The following DNAJC10 variants were observed in gnomAD, a reference collection of about 807,000 sequenced individuals.
DNAJC10 encodes the protein endoplasmic reticulum disulfide reductase DNAJC10.
DNAJC10 carries 101 observed loss-of-function variants against 115.0 expected under a neutral mutation model. The ratio of observed to expected loss-of-function variants is 0.88; its 90% CI spans 0.75 to 1.04. The LOEUF (loss-of-function observed/expected upper bound fraction) is 1.04, where lower values mean the gene tolerates loss of function less well. DNAJC10 is among the 50% of genes least tolerant of loss of function. The pLI is 0.00. For synonymous variants in DNAJC10, 307 were observed against 301.5 expected, an observed-to-expected ratio of 1.02 and a Z score of -0.19; for missense variants, 981 against 928.8, an observed-to-expected ratio of 1.06 and a Z score of -0.73.
Position 182,752,111 on chromosome 2 carries a change from A to T in DNAJC10, c.1474A>T (p.Arg492Ter). The change falls in exon 16 of 24, where the codon AGA becomes TGA. Residue 492 changes from arginine to a stop codon, truncating the protein, a stop_gained. Transcript: ENST00000264065. LOFTEE classifies it high-confidence loss of function. Reference sequence around the variant, plus strand: ...TCGAGCTTTACTACCAGAGTTACGAAGAGCATCAAATCTTCTTTATGGTCA... The same window carrying T: ...TCGAGCTTTACTACCAGAGTTACGATGAGCATCAAATCTTCTTTATGGTCA... ...PCRALLPELR[R>*]ASNLLYGQLK... is the part of the protein sequence containing the mutation. 1 of 1,613,848 alleles carries T rather than the reference A, an allele frequency of 6.2e-7. No individual in the cohort carries two copies. The highest frequency in any genetic ancestry group is 8.5e-7 in the Non-Finnish European group (1 of 1,179,856).
intron 5 of DNAJC10, among the ~76,000 whole-genome samples, chr2:182,728,214 C>G (rs1445435335): frequency 6.6e-6 from 1 of 152,154 alleles, no homozygotes; most frequent in Non-Finnish European, 1.5e-5. Context: ...CTCTCATGCA[C>G]ACAAACTCTT....
rs1695058758 is a variant in DNAJC10 at position 182,791,974 on chromosome 2, A to C, written c.*14842A>C. On this transcript the variant is annotated 3_prime_UTR_variant, in exon 24 of 24. Coordinates refer to ENST00000264065, the MANE Select transcript of DNAJC10 (RefSeq NM_018981.4). ...AACTCTAAACAATGCAATAATCTAG[A>C]GAATCAGAGAATTGGATCCTGAAAC... 1 of 152,200 alleles carries C rather than the reference A, an allele frequency of 6.6e-6. No individual in the cohort carries two copies. Among genetic ancestry groups the C allele is most frequent in the Non-Finnish European group, 1.5e-5 (1 of 68,026 alleles). The allele number at this position is 152,200 out of a possible 1,614,324, so 9.4% of individuals were successfully genotyped here.
At chr2:182,724,229 T>C (rs1693225986) in intron 5 of DNAJC10, among the ~76,000 whole-genome samples, 1 of 152,216 alleles carries the variant, frequency 6.6e-6, no homozygotes, top group South Asian at 2.1e-4. Flanking sequence ...GATTGACTTT[T>C]TTTTAACAAT....
At chr2:182,752,749 A>G (rs189347392) in intron 16 of DNAJC10, 83 of 166,092 alleles carry the variant, frequency 5.0e-4, no homozygotes, top group African/African-American at 1.9e-3. Context: ...TAGTAGATCT[A>G]TCTCCAGATC....
intron 22 of DNAJC10, among the ~76,000 whole-genome samples, chr2:182,772,242 T>C (rs1694583795): frequency 6.6e-6 from 1 of 152,210 alleles, no homozygotes; most frequent in African/African-American, 2.4e-5. Context: ...CTTCCAATTA[T>C]GTTGTCAATT....
At chr2:182,774,585 A>C (rs1184460559) in intron 22 of DNAJC10, among the ~76,000 whole-genome samples, 1 of 152,116 alleles carries the variant, frequency 6.6e-6, no homozygotes, top group Non-Finnish European at 1.5e-5. Flanking sequence ...CCAGGCTACC[A>C]CCTCACAGTT....
At position 182,718,138 on chromosome 2, in the gene DNAJC10, A is replaced by G; in HGVS notation, c.52A>G (p.Ile18Val). 4.3e-6 allele frequency: 7 copies of G among 1,613,174 alleles called. No homozygotes were observed. The highest frequency in any genetic ancestry group is 5.9e-6 in the Non-Finnish European group (7 of 1,179,658). The stretch of plus-strand genomic sequence containing the variant: ...CTATATCAGAGACTTGAAAAGGATC[A>G]TTCTCTGTTTTCTGATAGTGTATAT... ...DDYIRDLKRIILCFLIVYMAI... is the reference protein window; with the variant it reads ...DDYIRDLKRIVLCFLIVYMAI... The change falls in exon 3 of 24, where the codon ATT becomes GTT. Residue 18 changes from isoleucine to valine, a missense_variant. Transcript: ENST00000264065.
rs192511002 is a variant in DNAJC10, at chr2:182,724,235, A to G, written c.418+2160A>G. 8.5e-5 allele frequency among the ~76,000 whole-genome samples: 13 copies of G among 152,338 alleles called. No homozygotes were observed. The East Asian group carries it at 2.5e-3, about 29-fold the overall frequency. ...ATTTGAAAAGATTGACTTTTTTTTA[A>G]CAATTCAAAACATTAATACATACTT... On this transcript the variant is annotated intron_variant, in intron 5 of 23. Coordinates refer to ENST00000264065, the MANE Select transcript of DNAJC10 (RefSeq NM_018981.4).
intron 5 of DNAJC10, among the ~76,000 whole-genome samples, chr2:182,724,957 CT>C (rs569795219): frequency 2.2e-4 from 33 of 152,166 alleles, no homozygotes; most frequent in African/African-American, 4.8e-4. Flanking sequence ...AGATAATGCA[CT>C]TTTTTTTCCT....
intron 9 of DNAJC10, 70 bp downstream of exon 9, chr2:182,731,177 T>C: frequency 1.8e-6 from 2 of 1,131,880 alleles, no homozygotes; most frequent in Admixed American, 4.0e-5. Context: ...GTTTTAAGTA[T>C]GCTACTGTAA....
At chr2:182,773,024 A>G (rs577761051) in intron 22 of DNAJC10, among the ~76,000 whole-genome samples, 32 of 152,286 alleles carry the variant, frequency 2.1e-4, no homozygotes, top group African/African-American at 7.7e-4. Flanking sequence ...AGCTCTTGTA[A>G]GGAAGGCCTG....
intron 3 of DNAJC10, among the ~76,000 whole-genome samples, chr2:182,718,530 A>G (rs1215280496): frequency 6.6e-6 from 1 of 152,232 alleles, no homozygotes; most frequent in African/African-American, 2.4e-5. Context: ...CAACAATTCT[A>G]TTAAAGACAT....
At position 182,718,243 on chromosome 2, in the gene DNAJC10, C is replaced by A; in HGVS notation, c.157C>A (p.Gln53Lys). Residue 53 changes from glutamine (Q) to lysine (K), a missense_variant, in exon 3 of 24, where the codon CAA (glutamine) becomes AAA (lysine). Gln to Lys is a moderately conservative substitution (Grantham distance 53). Transcript: ENST00000264065. The stretch of plus-strand genomic sequence containing the variant: ...AACTGCAAGCAGTAGAGAAATAAGA[C>A]AAGCTTTCAAGAAATTGGCATTGAA... ...SKTASSREIR[Q>K]AFKKLALKLH... 6.2e-7 allele frequency: 1 copy of A among 1,611,908 alleles called. No individual in the cohort carries two copies. The highest frequency in any genetic ancestry group is 1.1e-5 in the South Asian group (1 of 90,242).
chr2:182,790,573 G>A lies in DNAJC10; in HGVS notation c.*13441G>A, dbSNP rs1356029541. ...GGCCGAGGCGGGTGGATCCCTTGAG[G>A]TTAAGAGTTCAAGACCAGCCTGGCC... On this transcript the variant is annotated 3_prime_UTR_variant, in exon 24 of 24. Transcript: ENST00000264065. The A allele has an allele frequency of 6.6e-6, 1 of 151,934 alleles. No homozygotes were observed. The highest frequency in any genetic ancestry group is 6.6e-5 in the Admixed American group (1 of 15,246). 9.4% of individuals were successfully genotyped at this position (151,934 alleles called of 1,614,324 possible). A position where few individuals can be genotyped will look rare whatever the true frequency, so the allele number is the denominator to read the frequency against.
In DNAJC10 at chr2:182,788,042, T is replaced by G. The variant is rs1312089214; in HGVS notation, c.*10910T>G. The stretch of plus-strand genomic sequence containing the variant: ...TCTCAGAAAGATGTTTAACAAATAC[T>G]TGAAGAGCCACTATTTAAGATAAAT... On this transcript the variant is annotated 3_prime_UTR_variant, in exon 24 of 24. Coordinates refer to ENST00000264065, the MANE Select transcript of DNAJC10 (RefSeq NM_018981.4). 6.6e-6 allele frequency: 1 copy of G among 152,232 alleles called. No individual in the cohort carries two copies. The highest frequency in any genetic ancestry group is 1.5e-5 in the Non-Finnish European group (1 of 68,044). 9.4% of individuals were successfully genotyped at this position (152,232 alleles called of 1,614,324 possible). A position where few individuals can be genotyped will look rare whatever the true frequency, so the allele number is the denominator to read the frequency against.
intron 7 of DNAJC10, 22 bp from the exon 8 acceptor site, chr2:182,729,826 C>T (rs1693395631): frequency 2.7e-6 from 4 of 1,486,606 alleles, no homozygotes; most frequent in Non-Finnish European, 3.6e-6. Flanking sequence ...AAAGATGTTT[C>T]TCTTCTTACA....
At chr2:182,755,584 A>T (rs1177460752) in intron 17 of DNAJC10, among the ~76,000 whole-genome samples, 1 of 151,994 alleles carries the variant, frequency 6.6e-6, no homozygotes, top group African/African-American at 2.4e-5. Context: ...CCTCTGACGT[A>T]ATGTTTTGTC....
At chr2:182,766,448 G>C (rs1057511952) in intron 22 of DNAJC10, among the ~76,000 whole-genome samples, 1 of 152,124 alleles carries the variant, frequency 6.6e-6, no homozygotes, top group Admixed American at 6.6e-5. Flanking sequence ...ATTTAAATGA[G>C]TAATACTATA....
At chr2:182,748,277 A>G (rs1440432708) in intron 14 of DNAJC10, among the ~76,000 whole-genome samples, 183 of 151,828 alleles carry the variant, frequency 1.2e-3, no homozygotes, top group African/African-American at 3.9e-3. Context: ...CTCTTTTTCT[A>G]TTGATTGGAA....
Sources: allele counts gnomAD v4.1 joint callset (sites outside exome capture counted in the v4.1 genomes callset), GRCh38; gene constraint gnomAD v4.1.1; transcripts MANE v1.5; gene names NCBI Gene and HGNC (gene_info 2026-07-23, HGNC 2026-07-21).